SLC5A11: variants seen among roughly 807,000 people sequenced by gnomAD.
The protein encoded by SLC5A11 is solute carrier family 5 member 11.
In SLC5A11, 48 loss-of-function variants were observed where a neutral mutation model predicts 69.8. The observed-to-expected ratio is 0.69, with a 90% CI of 0.55 to 0.87. The LOEUF (loss-of-function observed/expected upper bound fraction) is 0.87, where lower values mean the gene tolerates loss of function less well. SLC5A11 is among the 40% of genes least tolerant of loss of function. The pLI is 0.00. For missense variants in SLC5A11, 784 were observed against 866.1 expected (o/e 0.91, Z 1.19); for synonymous variants, 319 against 342.4 (o/e 0.93, Z 0.75).
At chr16:24,899,562 C>T (rs1408899612) in intron 10 of SLC5A11, among the ~76,000 whole-genome samples, 1 of 152,100 alleles carries the variant, frequency 6.6e-6, no homozygotes. Flanking sequence ...CACCACCATG[C>T]CCGGCTAATT....
intron 7 of SLC5A11, among the ~76,000 whole-genome samples, chr16:24,883,048 C>G (rs1193438741): frequency 6.6e-6 from 1 of 152,182 alleles, no homozygotes; most frequent in Non-Finnish European, 1.5e-5. Context: ...ACCTAATACT[C>G]ACATCCTTTA....
intron 10 of SLC5A11, among the ~76,000 whole-genome samples, chr16:24,905,636 GCGCGCA>G (rs1339446288): frequency 5.1e-5 from 4 of 78,204 alleles, no homozygotes; most frequent in Admixed American, 1.3e-4. Flanking sequence ...ACACGCGCGC[GCGCGCA>G]CACACACACA....
intron 1 of SLC5A11, among the ~76,000 whole-genome samples, chr16:24,849,593 A>AAAAAAATATATATATATAT: frequency 2.8e-5 from 1 of 35,910 alleles, no homozygotes; most frequent in Non-Finnish European, 5.6e-5. Context: ...AAAAAAAAAA[A>AAAAAAATATATATATATAT]ATATATATAT....
rs551614495 is a variant in SLC5A11 at position 24,907,665 on chromosome 16, G to GCACTGCACT, written c.1266-296_1266-288dup. On this transcript the variant is annotated intron_variant, in intron 12 of 15. Transcript: ENST00000347898. ...AGAGGTTGCAGTGAGCCAAGATGAC[G>GCACTGCACT]CACTGCACTCCCGCCTGGGTGACAG... Among the ~76,000 whole-genome samples, 825 of 151,382 alleles carry GCACTGCACT rather than the reference G, an allele frequency of 5.4e-3. 6 individuals are homozygous for GCACTGCACT. Among genetic ancestry groups the GCACTGCACT allele is most frequent in the African/African-American group, 0.019 (784 of 41,162 alleles).
intron 2 of SLC5A11, among the ~76,000 whole-genome samples, chr16:24,860,782 T>C (rs942247905): frequency 2.6e-5 from 4 of 152,126 alleles, no homozygotes; most frequent in African/African-American, 9.7e-5. Flanking sequence ...CTCAGCTCAC[T>C]GCAAGCTCCA....
intron 13 of SLC5A11, 111 bp from the exon 15 acceptor site, chr16:24,908,770 C>T (rs1160522371): frequency 2.9e-5 from 26 of 886,852 alleles, no homozygotes; most frequent in East Asian, 2.8e-4. Flanking sequence ...ATTGCTGACC[C>T]GTGCTTGCAG....
intron 7 of SLC5A11, among the ~76,000 whole-genome samples, chr16:24,878,123 C>T (rs1484546725): frequency 6.6e-6 from 1 of 152,244 alleles, no homozygotes; most frequent in Non-Finnish European, 1.5e-5. Flanking sequence ...TCATTGCCCT[C>T]CAGCCTGGGT....
chr16:24,906,307 C>T (rs1170624337), intron 10 of SLC5A11, among the ~76,000 whole-genome samples: 4 of 150,156 alleles, frequency 2.7e-5, no homozygotes, highest in African/African-American at 9.8e-5. Flanking sequence ...TGCCACTGCC[C>T]TCCAGCCTGG....
At chr16:24,849,721 C>A (rs900110233) in intron 1 of SLC5A11, among the ~76,000 whole-genome samples, 1 of 149,178 alleles carries the variant, frequency 6.7e-6, no homozygotes, top group African/African-American at 2.5e-5. Flanking sequence ...ACAAGATCAT[C>A]CCTGAAAGGC....
At chr16:24,898,074 T>C (rs763100634) in exon 10 of SLC5A11, 1 of 1,614,114 alleles carries the variant, frequency 6.2e-7, no homozygotes, top group African/African-American at 1.3e-5. Flanking sequence ...TTCATAATGG[T>C]GTTCCCTGGG....
chr16:24,854,955 T>TTGTG lies in SLC5A11; in HGVS notation c.-24-3649_-24-3646dup, dbSNP rs34966155. Among the ~76,000 whole-genome samples, 14 of 150,888 alleles carry TTGTG rather than the reference T, an allele frequency of 9.3e-5. 1 individual carries two copies. Among genetic ancestry groups the TTGTG allele is most frequent in the Admixed American group, 2.6e-4 (4 of 15,122 alleles). ...AGAGAAAGGTTAGGTTAGGTTAGCC[T>TTGTG]TGTGTGTGTGTGTGTGTGTTTGTTT... On this transcript the variant is annotated intron_variant, in intron 1 of 15. Transcript: ENST00000347898.
At chr16:24,860,986 T>C (rs7205684) in intron 2 of SLC5A11, among the ~76,000 whole-genome samples, 67,749 of 151,424 alleles carry the variant, frequency 0.45, 17,210 homozygotes, top group African/African-American at 0.7. Flanking sequence ...GGATTACAGG[T>C]GTGAGCCACC....
At chr16:24,892,930 G>T (rs2048909665) in intron 9 of SLC5A11, among the ~76,000 whole-genome samples, 1 of 152,012 alleles carries the variant, frequency 6.6e-6, no homozygotes, top group Non-Finnish European at 1.5e-5. Flanking sequence ...AGGTAGGAGA[G>T]ACCTTGAGAA....
chr16:24,905,358 C>T (rs111625670), intron 10 of SLC5A11, among the ~76,000 whole-genome samples: 2,249 of 150,182 alleles, frequency 0.015, 68 homozygotes, highest in African/African-American at 0.052. Context: ...GCAGGAGAAT[C>T]GCTTGAACCT....
chr16:24,854,418 C>A (rs953116663), intron 1 of SLC5A11, among the ~76,000 whole-genome samples: 5 of 151,016 alleles, frequency 3.3e-5, no homozygotes, highest in African/African-American at 9.9e-5. Context: ...ATCACTCCCC[C>A]TGTAAAGTAA....
exon 15 of SLC5A11, chr16:24,910,315 C>T: frequency 6.2e-7 from 1 of 1,614,062 alleles, no homozygotes; most frequent in Non-Finnish European, 8.5e-7. Context: ...GGTCAGCCAC[C>T]TGACCTGGTT....
exon 7 of SLC5A11, chr16:24,877,293 G>T: frequency 6.2e-7 from 1 of 1,614,084 alleles, no homozygotes; most frequent in African/African-American, 1.3e-5. Flanking sequence ...TCATCCAGCA[G>T]TCTTTGCACC....
In SLC5A11 at chr16:24,887,328, GTGGTCA is replaced by G. The variant is rs562878170; in HGVS notation, c.664+3198_664+3203del. On this transcript the variant is annotated intron_variant, in intron 8 of 15. Transcript: ENST00000347898. The stretch of plus-strand genomic sequence containing the variant: ...ATCATTACAGATCTGAAAAAATTGT[GTGGTCA>G]AGGCAAACGTTACATAAAGAATATA... Among the ~76,000 whole-genome samples the G allele has an allele frequency of 2.8e-4, 42 of 152,256 alleles. 1 individual carries two copies. In the East Asian group the frequency reaches 4.0e-3, roughly 15 times the overall value.
chr16:24,849,607 T>TATAC (rs2059207293), intron 1 of SLC5A11, among the ~76,000 whole-genome samples: 1 of 102,870 alleles, frequency 9.7e-6, no homozygotes, highest in Non-Finnish European at 2.1e-5. Context: ...TATATATATA[T>TATAC]ATATATATAT....
Sources: gnomAD v4.1 joint callset for allele counts (sites outside exome capture counted in the v4.1 genomes callset) on GRCh38, gnomAD v4.1.1 for gene constraint, MANE v1.5 for transcripts, NCBI Gene and HGNC (gene_info 2026-07-23, HGNC 2026-07-21) for gene names.